ZNF718: variants seen among roughly 807,000 people sequenced by gnomAD.
ZNF718 encodes zinc finger protein 718.
In ZNF718, 3 loss-of-function variants were observed where a neutral mutation model predicts 2.6. The ratio of observed to expected loss-of-function variants is 1.16; its 90% CI spans 0.53 to 3.01. The LOEUF is 3.01. Ranked by LOEUF, ZNF718 falls within the 30% of genes most tolerant of loss-of-function variation. The probability of loss-of-function intolerance (pLI) is 0.03; values close to 1 mark genes in which losing one functional copy is unlikely to be tolerated. For missense variants in ZNF718, 468 were observed against 230.0 expected (o/e 2.03, Z -6.69); for synonymous variants, 135 against 77.9 (o/e 1.73, Z -3.86).
At chr4:199,455 CA>C (rs1553822468) in intron 3 of ZNF718, among the ~76,000 whole-genome samples, 1 of 150,988 alleles carries the variant, frequency 6.6e-6, no homozygotes, top group East Asian at 1.9e-4. Flanking sequence ...CTGGGGACAC[CA>C]TGACTCTGGT....
chr4:181,924 T>C (rs1717473315), intron 3 of ZNF718, among the ~76,000 whole-genome samples: 1 of 152,222 alleles, frequency 6.6e-6, no homozygotes, highest in Admixed American at 6.5e-5. Flanking sequence ...TATTTGGTTT[T>C]CAGTTCCTGC....
intron 3 of ZNF718, among the ~76,000 whole-genome samples, chr4:145,483 C>G (rs531689838): frequency 6.6e-6 from 1 of 152,010 alleles, no homozygotes; most frequent in African/African-American, 2.4e-5. Context: ...TTTTTTTGTA[C>G]AGATAGGGTC....
downstream of ZNF718, among the ~76,000 whole-genome samples, chr4:166,171 G>A (rs1717082876): frequency 6.6e-6 from 1 of 152,118 alleles, no homozygotes. Flanking sequence ...CCCTACAAAG[G>A]ACATGAACTC....
At chr4:168,317 T>G (rs182939265), downstream of ZNF718, among the ~76,000 whole-genome samples, 1,904 of 152,292 alleles carry the variant, frequency 0.013, 46 homozygotes, top group African/African-American at 0.043. Context: ...TTCTCTTTTT[T>G]TGTTGTGTCT....
intron 3 of ZNF718, among the ~76,000 whole-genome samples, chr4:153,936 C>T (rs895315635): frequency 2.2e-4 from 33 of 152,118 alleles, no homozygotes; most frequent in African/African-American, 7.7e-4. Context: ...CACTATAAGA[C>T]AGTGATATGG....
At chr4:166,249 C>T (rs111887840), downstream of ZNF718, among the ~76,000 whole-genome samples, 1,934 of 152,216 alleles carry the variant, frequency 0.013, 46 homozygotes, top group African/African-American at 0.044. Context: ...CCAGTCTACA[C>T]TGTTGGACAT....
chr4:133,189 A>AT (rs1274005018), intron 3 of ZNF718, among the ~76,000 whole-genome samples: 1 of 93,498 alleles, frequency 1.1e-5, no homozygotes, highest in African/African-American at 5.3e-5. Context: ...AAAAAAAAAA[A>AT]AAAAAAATAT....
intron 3 of ZNF718, among the ~76,000 whole-genome samples, chr4:132,535 A>C (rs1715373562): frequency 9.7e-6 from 1 of 102,934 alleles, no homozygotes; most frequent in African/African-American, 3.4e-5. Context: ...TAAAATGTGT[A>C]CGGTGACTAG....
At chr4:126,437 G>A (rs1374575392) in intron 1 of ZNF718, among the ~76,000 whole-genome samples, 5 of 152,102 alleles carry the variant, frequency 3.3e-5, no homozygotes, top group Non-Finnish European at 7.4e-5. Flanking sequence ...TCTTTATCTA[G>A]GACTTGGGAA....
chr4:133,463 T>C (rs1450802391), intron 3 of ZNF718, among the ~76,000 whole-genome samples: 3 of 152,042 alleles, frequency 2.0e-5, no homozygotes, highest in African/African-American at 7.2e-5. Context: ...TTAATAACTA[T>C]TATCTTTTAA....
At chr4:133,584 A>G (rs542901566) in intron 3 of ZNF718, among the ~76,000 whole-genome samples, 469 of 152,326 alleles carry the variant, frequency 3.1e-3, no homozygotes, top group Middle Eastern at 6.8e-3. Context: ...ATATGTGTAT[A>G]ATAAATTCTT....
In ZNF718 at chr4:146,553, C is replaced by T. The variant is rs1716073784; in HGVS notation, c.227-14359C>T. Among the ~76,000 whole-genome samples, 3 of 151,996 alleles carry T rather than the reference C, an allele frequency of 2.0e-5. No individual in the cohort carries two copies. The South Asian group carries it at 6.2e-4, about 32-fold the overall frequency. On this transcript the variant is annotated intron_variant, in intron 3 of 3. Transcript: ENST00000510175. ...TTCTTCTTGCTACTGATATTTTGAG[C>T]CTCATAAAACTGAATGTCTGTATTT...
At position 130,993 on chromosome 4, in the gene ZNF718, G is replaced by C. The variant is rs1163788354; in HGVS notation, c.130+79G>C. On this transcript the variant is annotated intron_variant, in intron 2 of 3. Coordinates refer to ENST00000510175, the MANE Select transcript of ZNF718 (RefSeq NM_001039127.6). ...TTCCTTTGTAGAATGTCTCTTGAGA[G>C]CTTCTGCTTTGCATGAATTAATTTC... 21 of 247,356 alleles carry C rather than the reference G, an allele frequency of 8.5e-5. 4 individuals carry two copies. The highest frequency in any genetic ancestry group is 1.3e-4 in the Non-Finnish European group (17 of 135,108). The allele number at this position is 247,356 out of a possible 1,614,324, so 15.3% of individuals were successfully genotyped here.
In ZNF718 at chr4:133,708, T is replaced by A. The variant is rs188901282; in HGVS notation, c.226+2203T>A. Among the ~76,000 whole-genome samples, 938 of 152,350 alleles carry A rather than the reference T, an allele frequency of 6.2e-3. 11 individuals carry two copies. The highest frequency in any genetic ancestry group is 0.021 in the African/African-American group (885 of 41,586). On this transcript the variant is annotated intron_variant, in intron 3 of 3. Coordinates refer to ENST00000510175, the MANE Select transcript of ZNF718 (RefSeq NM_001039127.6). ...ATGTTTGCATGACATATAGCAACAA[T>A]GTTCATTTAAAGATGCACTTTTCAT... is the stretch of plus-strand genomic sequence containing the variant.
rs1211607490 is a variant in ZNF718, at chr4:190,867, C to T, written c.227-10214C>T. The stretch of plus-strand genomic sequence containing the variant: ...CAGACTGACTAACATAGGGAAACCC[C>T]GTCTCTACTAAAAATACAAAAATTA... On this transcript the variant is annotated intron_variant and NMD_transcript_variant, in intron 3 of 4. Transcript: ENST00000642529. Among the ~76,000 whole-genome samples the T allele has an allele frequency of 9.9e-5, 15 of 151,784 alleles. 1 individual carries two copies. The highest frequency in any genetic ancestry group is 3.9e-4 in the East Asian group (2 of 5,094).
chr4:128,612 C>G lies in ZNF718; in HGVS notation c.4-2176C>G, dbSNP rs1715288814. Among the ~76,000 whole-genome samples the G allele has an allele frequency of 2.0e-5, 2 of 101,942 alleles. 1 individual carries two copies. Among genetic ancestry groups the G allele is most frequent in the Admixed American group, 2.1e-4 (2 of 9,418 alleles). 66.9% of individuals were successfully genotyped at this position (101,942 alleles called of 152,430 possible). A position where few individuals can be genotyped will look rare whatever the true frequency, so the allele number is the denominator to read the frequency against. The stretch of plus-strand genomic sequence containing the variant: ...TCTGTTTGCACCACACAAAGTCAGC[C>G]TGAGTGTCTCCTCCGTGGATCACTA... On this transcript the variant is annotated intron_variant, in intron 1 of 3. Coordinates refer to ENST00000510175, the MANE Select transcript of ZNF718 (RefSeq NM_001039127.6).
intron 3 of ZNF718, among the ~76,000 whole-genome samples, chr4:140,873 A>T (rs1001608724): frequency 6.6e-6 from 1 of 152,252 alleles, no homozygotes; most frequent in Non-Finnish European, 1.5e-5. Context: ...TTACTAAACA[A>T]GCTAGCTTTA....
chr4:152,090 A>G (rs1209340361), intron 3 of ZNF718, among the ~76,000 whole-genome samples: 2 of 147,048 alleles, frequency 1.4e-5, no homozygotes, highest in Non-Finnish European at 3.0e-5. Context: ...AATGCTTTAC[A>G]AAGCAGTATT....
intron 3 of ZNF718, among the ~76,000 whole-genome samples, chr4:156,397 A>G (rs1553813665): frequency 1.3e-5 from 2 of 152,092 alleles, no homozygotes; most frequent in African/African-American, 4.8e-5. Flanking sequence ...GTGAATCTAT[A>G]TTTTTATGTG....
Sources: gnomAD v4.1 joint callset for allele counts (sites outside exome capture counted in the v4.1 genomes callset) on GRCh38, gnomAD v4.1.1 for gene constraint, MANE v1.5 for transcripts, NCBI Gene and HGNC (gene_info 2026-07-23, HGNC 2026-07-21) for gene names.